Variants in ELAPOR1 observed in about 807,000 individuals in gnomAD.
The protein encoded by ELAPOR1 is endosome/lysosome-associated apoptosis and autophagy regulator 1.
Under a neutral mutation model 119.7 loss-of-function variants are expected in ELAPOR1, and 77 were observed. The observed-to-expected ratio is 0.64, with a 90% CI of 0.54 to 0.78. ELAPOR1 has a LOEUF of 0.78. Ranked by LOEUF, ELAPOR1 falls within the 30% of genes least tolerant of loss-of-function variation. The pLI, the probability that ELAPOR1 is intolerant of heterozygous loss-of-function variation, is 0.00. For synonymous variants in ELAPOR1, 481 were observed against 487.2 expected, an observed-to-expected ratio of 0.99 and a Z score of 0.17; for missense variants, 1,115 against 1,270.4, an observed-to-expected ratio of 0.88 and a Z score of 1.86.
chr1:109,202,769 A>G (rs556051568), intron 21 of ELAPOR1, 175 bp from the exon 22 acceptor site: 17 of 706,796 alleles, frequency 2.4e-5, no homozygotes, highest in Middle Eastern at 4.7e-4. Context: ...TTGTTCTCCA[A>G]CTGACCCTGA....
chr1:109,177,465 C>T lies in ELAPOR1; in HGVS notation c.952+3628C>T, dbSNP rs540335947. Among the ~76,000 whole-genome samples, 72 of 131,394 alleles carry T rather than the reference C, an allele frequency of 5.5e-4. 4 individuals are homozygous for T. Among genetic ancestry groups the T allele is most frequent in the African/African-American group, 2.0e-3 (63 of 31,000 alleles). The allele number at this position is 131,394 out of a possible 152,430, so 86.2% of individuals were successfully genotyped here. The stretch of plus-strand genomic sequence containing the variant: ...CCCCACATCTCAGACGATGGGTGGC[C>T]GGGCAGAGACGCTCCTCACTTCCCA... On this transcript the variant is annotated intron_variant, in intron 7 of 21. Coordinates refer to ENST00000369939, the MANE Select transcript of ELAPOR1 (RefSeq NM_020775.5).
intron 7 of ELAPOR1, among the ~76,000 whole-genome samples, chr1:109,176,342 C>G (rs1436649000): frequency 6.6e-6 from 1 of 152,188 alleles, no homozygotes; most frequent in African/African-American, 2.4e-5. Flanking sequence ...GCAGTCCCAT[C>G]TTTTCCCCAG....
intron 1 of ELAPOR1, among the ~76,000 whole-genome samples, chr1:109,117,980 A>C (rs763305589): frequency 6.6e-6 from 1 of 152,100 alleles, no homozygotes; most frequent in Non-Finnish European, 1.5e-5. Context: ...ATACAAAATT[A>C]GCCAGGTGTG....
At position 109,206,612 on chromosome 1, in the gene ELAPOR1, A is replaced by G. The variant is rs1345065064; in HGVS notation, c.*3600A>G. 1 of 152,226 alleles carries G rather than the reference A, an allele frequency of 6.6e-6. No individual in the cohort carries two copies. The highest frequency in any genetic ancestry group is 1.5e-5 in the Non-Finnish European group (1 of 68,034). The allele number at this position is 152,226 out of a possible 1,614,324, so 9.4% of individuals were successfully genotyped here. On this transcript the variant is annotated 3_prime_UTR_variant, in exon 22 of 22. Transcript: ENST00000369939. The stretch of plus-strand genomic sequence containing the variant: ...TAAAGATAAGACTGACTATATTTAT[A>G]CAACAGAAACTTTGTAATAGATTTT...
intron 14 of ELAPOR1, among the ~76,000 whole-genome samples, 199 bp from the exon 15 acceptor site, chr1:109,194,222 T>A (rs545007058): frequency 6.6e-6 from 1 of 152,330 alleles, no homozygotes; most frequent in Non-Finnish European, 1.5e-5. Flanking sequence ...ATCATATATG[T>A]GCTAATAATT....
Position 109,200,865 on chromosome 1 carries a change from T to C in ELAPOR1, c.2938T>C (p.Ser980Pro). ...CGACCTCATCTTTACCAGCAAGAAGTCACTCTTTGGGAAGATCAAATCATT... is the reference window on the plus strand; with the variant it reads ...CGACCTCATCTTTACCAGCAAGAAGCCACTCTTTGGGAAGATCAAATCATT... ...EDDLIFTSKK[S>P]LFGKIKSFTS... The change falls in exon 21 of 22, where the codon TCA becomes CCA. Residue 980 changes from serine to proline, a missense_variant. Coordinates refer to ENST00000369939, the MANE Select transcript of ELAPOR1 (RefSeq NM_020775.5). 1 of 1,614,120 alleles carries C rather than the reference T, an allele frequency of 6.2e-7. No homozygotes were observed. The highest frequency in any genetic ancestry group is 1.7e-5 in the Admixed American group (1 of 60,020).
chr1:109,119,047 G>C (rs1432107433), intron 1 of ELAPOR1, among the ~76,000 whole-genome samples: 2 of 151,532 alleles, frequency 1.3e-5, no homozygotes, highest in African/African-American at 4.9e-5. Context: ...ACAGGTGCCC[G>C]CCACCATGCC....
chr1:109,145,040 G>A (rs1650092086), intron 1 of ELAPOR1, among the ~76,000 whole-genome samples: 1 of 152,090 alleles, frequency 6.6e-6, no homozygotes, highest in African/African-American at 2.4e-5. Flanking sequence ...AAAAGATGAG[G>A]TCTTTTTTTG....
intron 15 of ELAPOR1, 27 bp from the exon 16 acceptor site, chr1:109,197,447 A>G (rs1203277349): frequency 2.5e-6 from 4 of 1,605,612 alleles, no homozygotes; most frequent in East Asian, 2.2e-5. Context: ...ACTTCTTCCT[A>G]CTTCTTCCTC....
chr1:109,180,506 T>C (rs905855465), intron 7 of ELAPOR1, among the ~76,000 whole-genome samples: 5 of 11,642 alleles, frequency 4.3e-4, no homozygotes, highest in African/African-American at 4.7e-4. Flanking sequence ...ACCCCATCTC[T>C]TTAAAAAAAA....
chr1:109,200,261 T>G, intron 20 of ELAPOR1, 24 bp downstream of exon 20: 1 of 1,608,678 alleles, frequency 6.2e-7, no homozygotes, highest in East Asian at 2.2e-5. Flanking sequence ...TATTGGAGTG[T>G]GGGGATGGAC....
intron 3 of ELAPOR1, 52 bp from the exon 4 acceptor site, chr1:109,171,814 A>G (rs1428356082): frequency 6.3e-7 from 1 of 1,597,132 alleles, no homozygotes; most frequent in African/African-American, 1.3e-5. Flanking sequence ...CATGGCACAA[A>G]GCCTGGTGGG....
At chr1:109,147,847 C>T (rs967085393) in intron 1 of ELAPOR1, among the ~76,000 whole-genome samples, 4 of 149,536 alleles carry the variant, frequency 2.7e-5, no homozygotes, top group Non-Finnish European at 4.5e-5. Context: ...TTATTTTTTT[C>T]GAGGCGGAGT....
intron 2 of ELAPOR1, among the ~76,000 whole-genome samples, chr1:109,163,132 A>T (rs1283681614): frequency 1.3e-5 from 2 of 152,250 alleles, no homozygotes. Context: ...CATAGCTGGG[A>T]GGGCCACTTG....
chr1:109,200,197 C>T lies in ELAPOR1; in HGVS notation c.2767C>T (p.Leu923Phe). 1 of 1,614,236 alleles carries T rather than the reference C, an allele frequency of 6.2e-7. No homozygotes were observed. Among genetic ancestry groups the T allele is most frequent in the Non-Finnish European group, 8.5e-7 (1 of 1,180,050 alleles). The change falls in exon 20 of 22, where the codon CTC becomes TTC. Residue 923 changes from leucine to phenylalanine, a missense_variant. Leu to Phe is a conservative substitution (Grantham distance 22). Transcript: ENST00000369939. The stretch of plus-strand genomic sequence containing the variant: ...TGCAGGCACCTGTACTGCCATCCTG[C>T]TCACCGTCTTGACCTGCTACTTTTG... ...ISAGTCTAILLTVLTCYFWKK... is the reference protein window; with the variant it reads ...ISAGTCTAILFTVLTCYFWKK...
At chr1:109,178,941 G>A (rs1321187225) in intron 7 of ELAPOR1, among the ~76,000 whole-genome samples, 1 of 148,734 alleles carries the variant, frequency 6.7e-6, no homozygotes, top group African/African-American at 2.5e-5. Context: ...TTCCAATCTG[G>A]GTGACAGAAT....
chr1:109,201,020 C>T (rs968717577), intron 21 of ELAPOR1, 120 bp downstream of exon 21: 1 of 906,870 alleles, frequency 1.1e-6, no homozygotes, highest in Non-Finnish European at 1.6e-6. Flanking sequence ...ACGCCCGATA[C>T]AATTCCATTT....
At chr1:109,144,760 G>A (rs930670145) in intron 1 of ELAPOR1, among the ~76,000 whole-genome samples, 6 of 151,868 alleles carry the variant, frequency 4.0e-5, no homozygotes, top group African/African-American at 1.2e-4. Context: ...AAAAAGAAAT[G>A]GAATTCTAGG....
intron 7 of ELAPOR1, among the ~76,000 whole-genome samples, chr1:109,176,025 C>T (rs151133401): frequency 1.8e-4 from 28 of 152,212 alleles, no homozygotes; most frequent in Admixed American, 5.2e-4. Context: ...TGAGAGCATT[C>T]ATTGAAGTCA....
Sources: allele counts gnomAD v4.1 joint callset (sites outside exome capture counted in the v4.1 genomes callset), GRCh38; gene constraint gnomAD v4.1.1; transcripts MANE v1.5; gene names NCBI Gene and HGNC (gene_info 2026-07-23, HGNC 2026-07-21).